Variants in HPSE2 observed in about 807,000 individuals in gnomAD.
HPSE2 encodes heparanase 2 (inactive), also known as inactive heparanase-2.
HPSE2 carries 38 observed loss-of-function variants against 60.5 expected under a neutral mutation model. That is an observed-to-expected ratio of 0.63 (90% confidence interval 0.48 to 0.82). The LOEUF (loss-of-function observed/expected upper bound fraction) is 0.82. Among genes scored for constraint, HPSE2 ranks in the 40% least tolerant of loss-of-function variants. The pLI, the probability that HPSE2 is intolerant of heterozygous loss-of-function variation, is 0.00. For synonymous variants in HPSE2, 295 were observed against 293.2 expected (o/e 1.01, Z -0.06); for missense variants, 713 against 740.4 (o/e 0.96, Z 0.43).
At chr10:99,035,017 A>C (rs917313897) in intron 3 of HPSE2, among the ~76,000 whole-genome samples, 5 of 152,176 alleles carry the variant, frequency 3.3e-5, no homozygotes, top group African/African-American at 1.2e-4. Flanking sequence ...AGATGTGAAG[A>C]GCTAGGACAT....
chr10:99,023,678 A>C (rs1246059003), intron 3 of HPSE2, among the ~76,000 whole-genome samples: 1 of 152,228 alleles, frequency 6.6e-6, no homozygotes, highest in Non-Finnish European at 1.5e-5. Context: ...AAAATAAGGG[A>C]AAAGAACAAG....
chr10:98,566,912 A>T (rs1486181240), intron 9 of HPSE2, among the ~76,000 whole-genome samples: 1 of 152,160 alleles, frequency 6.6e-6, no homozygotes, highest in Non-Finnish European at 1.5e-5. Flanking sequence ...TCAATAAAAG[A>T]TATTTTTCCC....
the HPSE2 span, among the ~76,000 whole-genome samples, chr10:99,245,378 C>T: frequency 6.6e-6 from 1 of 152,032 alleles, no homozygotes. Context: ...TATTTGATTC[C>T]TAGGTTTCAG....
the HPSE2 span, among the ~76,000 whole-genome samples, chr10:99,312,059 G>A: frequency 2.0e-5 from 3 of 152,204 alleles, no homozygotes; most frequent in African/African-American, 7.2e-5. Context: ...GAGAGGTGAG[G>A]AAGTTGCCCA....
chr10:98,472,980 A>C (rs1940842434), intron 11 of HPSE2, among the ~76,000 whole-genome samples: 1 of 152,166 alleles, frequency 6.6e-6, no homozygotes, highest in Non-Finnish European at 1.5e-5. Context: ...AAAATTCATA[A>C]AAGCAATACA....
intron 3 of HPSE2, among the ~76,000 whole-genome samples, chr10:98,857,956 A>G (rs181800230): frequency 1.6e-4 from 25 of 152,314 alleles, no homozygotes; most frequent in Non-Finnish European, 2.9e-4. Context: ...ATATAATTTT[A>G]TAAAGGAAAA....
At chr10:99,164,436 G>C (rs2133780591) in intron 2 of HPSE2, among the ~76,000 whole-genome samples, 1 of 150,162 alleles carries the variant, frequency 6.7e-6, no homozygotes, top group South Asian at 2.1e-4. Context: ...TTACTTTCTG[G>C]CACCACAAAT....
At chr10:99,247,245 T>A in the HPSE2 span, among the ~76,000 whole-genome samples, 1 of 152,318 alleles carries the variant, frequency 6.6e-6, no homozygotes, top group East Asian at 1.9e-4. Context: ...TTTAAAGACT[T>A]CCATAAGACA....
chr10:99,247,863 T>C, the HPSE2 span, among the ~76,000 whole-genome samples: 8 of 152,190 alleles, frequency 5.3e-5, no homozygotes, highest in Admixed American at 5.2e-4. Context: ...TGTTTAAGTG[T>C]GTAGCACCTA....
chr10:98,835,339 T>C (rs1394958743), intron 3 of HPSE2, among the ~76,000 whole-genome samples: 1 of 152,056 alleles, frequency 6.6e-6, no homozygotes, highest in African/African-American at 2.4e-5. Flanking sequence ...TAGCTTATAT[T>C]TGAAGACACT....
At chr10:98,537,389 C>T (rs1354929282) in intron 9 of HPSE2, among the ~76,000 whole-genome samples, 2 of 152,034 alleles carry the variant, frequency 1.3e-5, no homozygotes, top group Non-Finnish European at 2.9e-5. Context: ...ACTGAAGGCA[C>T]AAACTGTTTC....
intron 3 of HPSE2, among the ~76,000 whole-genome samples, chr10:99,021,829 A>T (rs567813446): frequency 3.9e-5 from 6 of 151,932 alleles, no homozygotes; most frequent in Admixed American, 2.6e-4. Flanking sequence ...CACCAAAAAA[A>T]AAAAAAAACC....
At chr10:99,139,357 G>A (rs1300862476) in intron 3 of HPSE2, among the ~76,000 whole-genome samples, 1 of 152,002 alleles carries the variant, frequency 6.6e-6, no homozygotes, top group Non-Finnish European at 1.5e-5. Flanking sequence ...AGTGACGGGT[G>A]CACTAAAAAC....
chr10:98,579,798 T>C (rs1043003592), intron 9 of HPSE2, among the ~76,000 whole-genome samples: 1 of 152,214 alleles, frequency 6.6e-6, no homozygotes, highest in Non-Finnish European at 1.5e-5. Flanking sequence ...TCTAAAAGGC[T>C]TTTCTCTGCT....
intron 11 of HPSE2, among the ~76,000 whole-genome samples, chr10:98,471,552 C>T (rs551962174): frequency 8.8e-4 from 133 of 151,936 alleles, no homozygotes; most frequent in Non-Finnish European, 1.4e-3. Flanking sequence ...TTTTTTTAAC[C>T]TAAAAGGAAG....
chr10:99,013,473 G>GATTATT (rs774692999), intron 3 of HPSE2: 1 of 418,500 alleles, frequency 2.4e-6, no homozygotes, highest in East Asian at 6.4e-5. Context: ...TTATGATTAT[G>GATTATT]ATTATTATTA....
Position 98,666,235 on chromosome 10 carries a change from T to G in HPSE2, c.1005-24295A>C, listed in dbSNP as rs1028255735. Among the ~76,000 whole-genome samples the G allele has an allele frequency of 7.2e-5, 11 of 152,236 alleles. No homozygotes were observed. The East Asian group carries it at 1.2e-3, about 16-fold the overall frequency. On this transcript the variant is annotated intron_variant, in intron 6 of 11. Transcript: ENST00000370552. ...TCAATTCAACAAGAAGCCCTAACTATCCTAATATATATGCAGCCAAATTGG... is the reference window on the plus strand; with the variant it reads ...TCAATTCAACAAGAAGCCCTAACTAGCCTAATATATATGCAGCCAAATTGG...
At chr10:99,220,303 AAG>A (rs1485535590) in intron 2 of HPSE2, among the ~76,000 whole-genome samples, 1 of 152,180 alleles carries the variant, frequency 6.6e-6, no homozygotes, top group African/African-American at 2.4e-5. Flanking sequence ...GTACCAATGA[AAG>A]AGAATAAACA....
chr10:99,230,586 T>C (rs946606193), intron 2 of HPSE2, among the ~76,000 whole-genome samples: 1 of 152,148 alleles, frequency 6.6e-6, no homozygotes, highest in African/African-American at 2.4e-5. Flanking sequence ...GCCAATTTCT[T>C]TTCTCCCCAT....
Sources: allele counts gnomAD v4.1 joint callset (sites outside exome capture counted in the v4.1 genomes callset), GRCh38; gene constraint gnomAD v4.1.1; transcripts MANE v1.5; gene names NCBI Gene and HGNC (gene_info 2026-07-23, HGNC 2026-07-21).